ELMO1: variants seen among roughly 807,000 people sequenced by gnomAD.
ELMO1 encodes the protein engulfment and cell motility 1, also known as engulfment and cell motility protein 1.
A neutral mutation model predicts 98.9 loss-of-function variants in ELMO1; 26 were observed. The observed-to-expected ratio is 0.26, with a 90% confidence interval of 0.19 to 0.36. The LOEUF (loss-of-function observed/expected upper bound fraction) is 0.36. ELMO1 is among the 10% of genes least tolerant of loss of function. The probability of loss-of-function intolerance (pLI) is 1.00; values close to 1 mark genes in which losing one functional copy is unlikely to be tolerated. For synonymous variants in ELMO1, 346 were observed against 346.0 expected, an observed-to-expected ratio of 1.00 and a Z score of 0.00; for missense variants, 627 against 935.2, an observed-to-expected ratio of 0.67 and a Z score of 4.30.
chr7:37,216,866 T>C (rs1793314963), intron 10 of ELMO1, among the ~76,000 whole-genome samples, 171 bp from the exon 11 acceptor site: 2 of 152,230 alleles, frequency 1.3e-5, no homozygotes, highest in Admixed American at 1.3e-4. Flanking sequence ...TTTTGACTGT[T>C]TTATTTAGAA....
intron 4 of ELMO1, among the ~76,000 whole-genome samples, chr7:37,311,339 T>C (rs1290114601): frequency 2.0e-5 from 3 of 152,030 alleles, no homozygotes; most frequent in South Asian, 2.1e-4. Flanking sequence ...TTTTTTTTTT[T>C]CTGAAAAAAA....
chr7:37,289,491 C>T lies in ELMO1; in HGVS notation c.193-17609G>A, dbSNP rs539653468. Among the ~76,000 whole-genome samples, 37 of 152,316 alleles carry T rather than the reference C, an allele frequency of 2.4e-4. 2 individuals carry two copies. In the South Asian group the frequency reaches 6.2e-3, roughly 26 times the overall value. ...TCACTAACGCCACAGCACCAGGCAGCCTCAACACTGAAGCAAAGTTACAAA... is the reference window on the plus strand; with the variant it reads ...TCACTAACGCCACAGCACCAGGCAGTCTCAACACTGAAGCAAAGTTACAAA... On this transcript the variant is annotated intron_variant, in intron 4 of 21. Coordinates refer to ENST00000310758, the MANE Select transcript of ELMO1 (RefSeq NM_014800.11).
chr7:37,137,110 C>A (rs2129304007), intron 13 of ELMO1, among the ~76,000 whole-genome samples: 1 of 152,238 alleles, frequency 6.6e-6, no homozygotes, highest in African/African-American at 2.4e-5. Flanking sequence ...CAAAAGCAAG[C>A]AGGAGTAGCT....
chr7:36,867,479 G>T (rs1411232918), intron 20 of ELMO1, among the ~76,000 whole-genome samples: 1 of 151,886 alleles, frequency 6.6e-6, no homozygotes, highest in African/African-American at 2.4e-5. Flanking sequence ...TTTTGGTTTT[G>T]TTGATTTTCT....
At chr7:37,376,466 T>C (rs1358439316) in intron 1 of ELMO1, among the ~76,000 whole-genome samples, 1 of 152,198 alleles carries the variant, frequency 6.6e-6, no homozygotes, top group African/African-American at 2.4e-5. Flanking sequence ...AACATCACGA[T>C]TGTAAAACCT....
chr7:37,222,616 T>G lies in ELMO1; in HGVS notation c.779A>C (p.Gln260Pro). ...TAAGACTAAAGAAATGCAACTTACC[T>G]GCCTCCTCTCATCAGGAGCCTTCAG... is the stretch of plus-strand genomic sequence containing the variant. The part of the protein sequence containing the change: ...LFLKAPDERR[Q>P]EMANILAQKQ... Residue 260 changes from glutamine to proline, a missense_variant and splice_region_variant, in exon 10 of 22, where the codon CAG becomes CCG. Around this residue, in one of 3 missense-constraint regions of ELMO1, gnomAD observed 492 missense variants for 715.6 expected, o/e 0.69. Transcript: ENST00000310758. 1 of 1,614,014 alleles carries G rather than the reference T, an allele frequency of 6.2e-7. No homozygotes were observed. Among genetic ancestry groups the G allele is most frequent in the East Asian group, 2.2e-5 (1 of 44,882 alleles).
At chr7:37,111,681 G>C (rs1785257554) in intron 14 of ELMO1, among the ~76,000 whole-genome samples, 1 of 152,170 alleles carries the variant, frequency 6.6e-6, no homozygotes, top group African/African-American at 2.4e-5. Flanking sequence ...TGCAAAATGG[G>C]TACAATGATA....
At chr7:37,099,800 C>G (rs976891110) in intron 14 of ELMO1, among the ~76,000 whole-genome samples, 1 of 151,802 alleles carries the variant, frequency 6.6e-6, no homozygotes. Flanking sequence ...TTTCTAGCAT[C>G]CCAGAGCTAG....
At chr7:37,339,529 G>A (rs1800604310) in intron 2 of ELMO1, among the ~76,000 whole-genome samples, 1 of 152,212 alleles carries the variant, frequency 6.6e-6, no homozygotes, top group African/African-American at 2.4e-5. Flanking sequence ...AGAGAGGCAG[G>A]TTATGTGATC....
intron 1 of ELMO1, among the ~76,000 whole-genome samples, chr7:37,401,610 C>T (rs1388668643): frequency 1.3e-5 from 2 of 152,178 alleles, no homozygotes; most frequent in Non-Finnish European, 2.9e-5. Flanking sequence ...ACACATCCTT[C>T]TTCACAAGGC....
intron 19 of ELMO1, among the ~76,000 whole-genome samples, chr7:36,871,259 C>G (rs13247739): frequency 0.068 from 10,311 of 152,248 alleles, 438 homozygotes; most frequent in Middle Eastern, 0.13. Context: ...AGGCTGGGAA[C>G]AGTGAGTGGC....
At chr7:37,350,089 C>A (rs1405166013) in intron 1 of ELMO1, among the ~76,000 whole-genome samples, 1 of 152,120 alleles carries the variant, frequency 6.6e-6, no homozygotes, top group Non-Finnish European at 1.5e-5. Context: ...GTGGGGGTGT[C>A]ATTTCAGGTT....
intron 15 of ELMO1, among the ~76,000 whole-genome samples, chr7:37,016,406 T>G (rs557871354): frequency 6.6e-6 from 1 of 152,320 alleles, no homozygotes; most frequent in African/African-American, 2.4e-5. Context: ...CCTTCCATCA[T>G]GAGCTTTTTT....
intron 13 of ELMO1, among the ~76,000 whole-genome samples, chr7:37,159,355 C>T (rs1789034401): frequency 6.6e-6 from 1 of 152,048 alleles, no homozygotes. Context: ...CAAAATACAG[C>T]TCTAAAGAAA....
intron 5 of ELMO1, chr7:37,270,776 T>A (rs1176579886): frequency 6.6e-6 from 1 of 152,094 alleles, no homozygotes; most frequent in Non-Finnish European, 1.5e-5. Flanking sequence ...TTATGTAGAA[T>A]CAGCTGTCAA....
At chr7:37,143,439 C>T (rs1442687911) in intron 13 of ELMO1, among the ~76,000 whole-genome samples, 1 of 152,160 alleles carries the variant, frequency 6.6e-6, no homozygotes, top group Non-Finnish European at 1.5e-5. Context: ...CCGAGTCTCG[C>T]TCTGTCACCC....
intron 16 of ELMO1, among the ~76,000 whole-genome samples, chr7:36,913,073 C>T (rs75044595): frequency 0.049 from 7,393 of 152,244 alleles, 292 homozygotes; most frequent in South Asian, 0.15. Flanking sequence ...TCTAAGTGAA[C>T]GACTCACCCC....
intron 9 of ELMO1, among the ~76,000 whole-genome samples, chr7:37,223,608 T>C (rs1211618139): frequency 6.6e-6 from 1 of 152,254 alleles, no homozygotes; most frequent in Non-Finnish European, 1.5e-5. Context: ...GGGATGAAGA[T>C]GTGTGCCTTT....
intron 5 of ELMO1, among the ~76,000 whole-genome samples, chr7:37,260,265 G>A (rs559116571): frequency 3.9e-5 from 6 of 152,114 alleles, no homozygotes; most frequent in South Asian, 4.1e-4. Flanking sequence ...TCTCCTTCTC[G>A]GGTACTTGCT....
Sources: allele counts gnomAD v4.1 joint callset (sites outside exome capture counted in the v4.1 genomes callset), GRCh38; gene constraint gnomAD v4.1.1; regional missense constraint gnomAD v4.1.1; transcripts MANE v1.5; gene names NCBI Gene and HGNC (gene_info 2026-07-23, HGNC 2026-07-21).